The following PTPN3 variants were observed in gnomAD, a reference collection of about 807,000 sequenced individuals.
PTPN3 encodes the protein tyrosine-protein phosphatase non-receptor type 3.
PTPN3 carries 96 observed loss-of-function variants against 132.7 expected under a neutral mutation model. The ratio of observed to expected loss-of-function variants is 0.72; its 90% CI spans 0.61 to 0.86. PTPN3 has a LOEUF of 0.86. Among genes scored for constraint, PTPN3 ranks in the 40% least tolerant of loss-of-function variants. PTPN3 has a pLI of 0.00. For missense variants in PTPN3, 1,125 were observed against 1,159.6 expected (o/e 0.97, Z 0.43); for synonymous variants, 398 against 429.0 (o/e 0.93, Z 0.89).
At position 109,377,702 on chromosome 9, in the gene PTPN3, C is replaced by T. The variant is rs1389527113; in HGVS notation, c.*1854G>A. On this transcript the variant is annotated 3_prime_UTR_variant, in exon 26 of 26. Transcript: ENST00000374541. Reference sequence around the variant, plus strand: ...ACTTTTCTAAGTAACTCACCCACAGCAGTGTCTGTTGCTGTTCTAGCCGAT... The same window carrying T: ...ACTTTTCTAAGTAACTCACCCACAGTAGTGTCTGTTGCTGTTCTAGCCGAT... 1 of 152,190 alleles carries T rather than the reference C, an allele frequency of 6.6e-6. No homozygotes were observed. The highest frequency in any genetic ancestry group is 1.5e-5 in the Non-Finnish European group (1 of 68,040). The allele number at this position is 152,190 out of a possible 1,614,324, so 9.4% of individuals were successfully genotyped here. A position where few individuals can be genotyped will look rare whatever the true frequency, so the allele number is the denominator to read the frequency against.
At chr9:109,452,211 T>C (rs970721919) in intron 5 of PTPN3, among the ~76,000 whole-genome samples, 5 of 133,950 alleles carry the variant, frequency 3.7e-5, no homozygotes, top group Non-Finnish European at 7.6e-5. Flanking sequence ...GAGGTTACAG[T>C]GAGCTGAGAG....
At chr9:109,478,607 G>A (rs1846804791) in intron 1 of PTPN3, among the ~76,000 whole-genome samples, 2 of 152,232 alleles carry the variant, frequency 1.3e-5, no homozygotes, top group African/African-American at 4.8e-5. Context: ...ATGACAGACA[G>A]GGGCTGGGCC....
chr9:109,466,370 G>C (rs1312583072), intron 1 of PTPN3, among the ~76,000 whole-genome samples: 1 of 152,238 alleles, frequency 6.6e-6, no homozygotes, highest in Non-Finnish European at 1.5e-5. Flanking sequence ...AGCTACGGTA[G>C]TGTGCACCTG....
At position 109,422,758 on chromosome 9, in the gene PTPN3, TG is replaced by T; in HGVS notation, c.1095del (p.Lys366ArgfsTer38). 6.2e-7 allele frequency: 1 copy of T among 1,612,166 alleles called. No homozygotes were observed. ...RRSLSVEHLE[T>X]KSLPSRSPPI... ...GGAGGGGAACGAGAAGGCAGACTCTTGGTTTCTAAGTGCTCCACTGATAAGG... is the reference window on the plus strand; with the variant it reads ...GGAGGGGAACGAGAAGGCAGACTCTTGTTTCTAAGTGCTCCACTGATAAGG... On this transcript the variant is annotated frameshift_variant, in exon 13 of 26. Transcript: ENST00000374541. LOFTEE classifies it high-confidence loss of function.
the PTPN3 span, among the ~76,000 whole-genome samples, chr9:109,528,566 G>C: frequency 6.6e-6 from 1 of 152,146 alleles, no homozygotes; most frequent in East Asian, 1.9e-4. Context: ...GTTTATCTTT[G>C]GCAGTTTTTA....
intron 1 of PTPN3, among the ~76,000 whole-genome samples, chr9:109,486,651 TGAG>T (rs1218400346): frequency 1.3e-5 from 2 of 152,240 alleles, no homozygotes; most frequent in Non-Finnish European, 2.9e-5. Context: ...GGGGCACTCA[TGAG>T]GAGTTGTGCA....
intron 7 of PTPN3, among the ~76,000 whole-genome samples, chr9:109,444,985 G>A (rs541072856): frequency 6.6e-6 from 1 of 152,352 alleles, no homozygotes; most frequent in Non-Finnish European, 1.5e-5. Flanking sequence ...GCTGTCTGAT[G>A]GGCTCCCTTG....
At chr9:109,468,691 T>A (rs1377518766) in intron 1 of PTPN3, among the ~76,000 whole-genome samples, 1 of 152,206 alleles carries the variant, frequency 6.6e-6, no homozygotes, top group African/African-American at 2.4e-5. Context: ...AATCAAAGAT[T>A]ATACTTGGAA....
chr9:109,458,737 A>G (rs1350341928), intron 2 of PTPN3, among the ~76,000 whole-genome samples: 1 of 152,150 alleles, frequency 6.6e-6, no homozygotes, highest in Non-Finnish European at 1.5e-5. Flanking sequence ...GAAAAGAATC[A>G]CAATAGGTGG....
intron 17 of PTPN3, 131 bp from the exon 18 acceptor site, chr9:109,406,749 G>C: frequency 9.1e-7 from 1 of 1,095,574 alleles, no homozygotes; most frequent in Non-Finnish European, 1.3e-6. Context: ...GGGTAGTACT[G>C]TCATTATTTG....
intron 10 of PTPN3, among the ~76,000 whole-genome samples, chr9:109,431,639 G>C (rs1186813489): frequency 1.3e-5 from 2 of 152,232 alleles, no homozygotes; most frequent in Non-Finnish European, 2.9e-5. Flanking sequence ...GAACAGGGCT[G>C]TCGTCACATT....
chr9:109,534,407 CGGT>C, the PTPN3 span: 2 of 1,435,232 alleles, frequency 1.4e-6, no homozygotes, highest in African/African-American at 2.9e-5. Flanking sequence ...GCTAGGCCAG[CGGT>C]GGTGGTGGGG....
chr9:109,525,021 C>T, the PTPN3 span, among the ~76,000 whole-genome samples: 173 of 152,288 alleles, frequency 1.1e-3, no homozygotes, highest in African/African-American at 3.9e-3. Flanking sequence ...GCTGGGATTA[C>T]AGGTGTGAGC....
the PTPN3 span, among the ~76,000 whole-genome samples, chr9:109,514,294 A>C: frequency 6.6e-6 from 1 of 152,154 alleles, no homozygotes; most frequent in Admixed American, 6.5e-5. Flanking sequence ...TGAATAAGCT[A>C]TTCCTCTGCT....
At chr9:109,383,645 C>A in intron 22 of PTPN3, 94 bp from the exon 23 acceptor site, 1 of 1,496,558 alleles carries the variant, frequency 6.7e-7, no homozygotes, top group South Asian at 1.2e-5. Flanking sequence ...GGCATCCTCT[C>A]ATGCACACCC....
intron 1 of PTPN3, among the ~76,000 whole-genome samples, chr9:109,485,374 G>T (rs1336514584): frequency 6.6e-6 from 1 of 152,084 alleles, no homozygotes; most frequent in Admixed American, 6.5e-5. Flanking sequence ...TGGGCGTGGT[G>T]GTGGGCGCCT....
At chr9:109,517,331 A>C in the PTPN3 span, among the ~76,000 whole-genome samples, 1 of 152,198 alleles carries the variant, frequency 6.6e-6, no homozygotes, top group African/African-American at 2.4e-5. Flanking sequence ...TGATCCTTTG[A>C]GGTCCCCCAG....
the PTPN3 span, among the ~76,000 whole-genome samples, chr9:109,527,167 T>C: frequency 6.6e-6 from 1 of 152,212 alleles, no homozygotes; most frequent in Non-Finnish European, 1.5e-5. Context: ...TTCATTAAAA[T>C]GAATAACTTC....
the PTPN3 span, chr9:109,533,470 CG>C: frequency 1.0e-5 from 16 of 1,570,314 alleles, no homozygotes; most frequent in South Asian, 1.8e-4. Context: ...TGTGTGTCTG[CG>C]TCGGTAAGTT....
Sources: allele counts gnomAD v4.1 joint callset (sites outside exome capture counted in the v4.1 genomes callset), GRCh38; gene constraint gnomAD v4.1.1; transcripts MANE v1.5; gene names NCBI Gene and HGNC (gene_info 2026-07-23, HGNC 2026-07-21).